CTNNA2: variants seen among roughly 807,000 people sequenced by gnomAD.
CTNNA2 encodes the protein catenin alpha-2.
In CTNNA2, 42 loss-of-function variants were observed where a neutral mutation model predicts 101.0. That is an observed-to-expected ratio of 0.42 (90% CI 0.32 to 0.54). The LOEUF is 0.54. Ranked by LOEUF, CTNNA2 falls within the 20% of genes least tolerant of loss-of-function variation. The pLI, the probability that CTNNA2 is intolerant of heterozygous loss-of-function variation, is 0.14. For missense variants in CTNNA2, 871 were observed against 1,223.1 expected (o/e 0.71, Z 4.29); for synonymous variants, 450 against 456.4 (o/e 0.99, Z 0.18).
intron 1 of CTNNA2, among the ~76,000 whole-genome samples, chr2:79,548,955 C>T (rs539947345): frequency 6.6e-6 from 1 of 152,266 alleles, no homozygotes; most frequent in African/African-American, 2.4e-5. Flanking sequence ...TGCTGCCAAC[C>T]CACATAGAAA....
chr2:79,466,579 C>T (rs1670938859), intron 4 of CTNNA2, among the ~76,000 whole-genome samples: 1 of 152,200 alleles, frequency 6.6e-6, no homozygotes, highest in Non-Finnish European at 1.5e-5. Flanking sequence ...CAGACTGCCT[C>T]CTCAAGTGGG....
chr2:79,842,749 C>G (rs1328190425), intron 3 of CTNNA2, among the ~76,000 whole-genome samples: 1 of 151,762 alleles, frequency 6.6e-6, no homozygotes, highest in Non-Finnish European at 1.5e-5. Context: ...TGTCATCCAC[C>G]TCACTGTGAG....
Position 79,840,754 on chromosome 2 carries a change from G to A in CTNNA2, c.299-17259G>A, listed in dbSNP as rs951734523. On this transcript the variant is annotated intron_variant, in intron 3 of 18. Transcript: ENST00000402739. ...CTGAGATCAGCCCAGGCAGGACAGC[G>A]AGACTACCTCTCTTTTTTTTTTTTT... is the stretch of plus-strand genomic sequence containing the variant. Among the ~76,000 whole-genome samples the A allele has an allele frequency of 2.4e-4, 30 of 124,618 alleles. No homozygotes were observed. In the Admixed American group the frequency reaches 2.5e-3, roughly 10 times the overall value. 81.8% of individuals were successfully genotyped at this position (124,618 alleles called of 152,430 possible). A position where few individuals can be genotyped will look rare whatever the true frequency, so the allele number is the denominator to read the frequency against.
intron 4 of CTNNA2, chr2:79,504,985 A>T (rs1293487567): frequency 6.6e-6 from 1 of 152,172 alleles, no homozygotes; most frequent in African/African-American, 2.4e-5. Context: ...AGACACTGGG[A>T]GAAGACAGGA....
chr2:79,916,022 A>G (rs1298831531), intron 7 of CTNNA2, among the ~76,000 whole-genome samples: 2 of 152,222 alleles, frequency 1.3e-5, no homozygotes, highest in Admixed American at 6.5e-5. Context: ...TTACTTAAGA[A>G]TAAGGCTCAT....
chr2:79,830,157 T>C (rs906022318), intron 3 of CTNNA2, among the ~76,000 whole-genome samples: 1 of 151,282 alleles, frequency 6.6e-6, no homozygotes, highest in Non-Finnish European at 1.5e-5. Flanking sequence ...ATGTCTCAAG[T>C]TATCCTACAA....
intron 7 of CTNNA2, among the ~76,000 whole-genome samples, chr2:80,116,816 A>G (rs1187385679): frequency 6.6e-6 from 1 of 152,030 alleles, no homozygotes; most frequent in East Asian, 1.9e-4. Context: ...TATTGAGTTC[A>G]GAAGAGACAA....
intron 7 of CTNNA2, among the ~76,000 whole-genome samples, chr2:79,940,483 ACTT>A (rs1226520980): frequency 6.6e-6 from 1 of 152,144 alleles, no homozygotes; most frequent in Non-Finnish European, 1.5e-5. Context: ...CCCCATCCTC[ACTT>A]CTTCTATCCC....
At chr2:79,415,784 T>C (rs1487105953) in intron 4 of CTNNA2, among the ~76,000 whole-genome samples, 1 of 152,108 alleles carries the variant, frequency 6.6e-6, no homozygotes, top group Non-Finnish European at 1.5e-5. Flanking sequence ...AATATGATCC[T>C]CACCGTCAAC....
chr2:79,352,925 C>T (rs1195182117), intron 3 of CTNNA2, among the ~76,000 whole-genome samples: 1 of 152,076 alleles, frequency 6.6e-6, no homozygotes, highest in Non-Finnish European at 1.5e-5. Context: ...GGAAGCAGTC[C>T]TATATTCAAA....
At chr2:80,298,543 C>T (rs1675962476) in intron 7 of CTNNA2, 1 of 152,130 alleles carries the variant, frequency 6.6e-6, no homozygotes, top group Non-Finnish European at 1.5e-5. Context: ...ACAAGTGGCC[C>T]CTAATCCTAC....
intron 13 of CTNNA2, chr2:80,576,372 C>CCTTT (rs746150023): frequency 2.6e-4 from 3 of 11,648 alleles, no homozygotes; most frequent in African/African-American, 3.7e-4. Flanking sequence ...TCCATGAAAC[C>CCTTT]ATTTTTTTTT....
chr2:79,564,386 T>C (rs2104157036), intron 1 of CTNNA2, among the ~76,000 whole-genome samples: 1 of 152,184 alleles, frequency 6.6e-6, no homozygotes, highest in Non-Finnish European at 1.5e-5. Context: ...AACTGCGTAT[T>C]AGTGGAACGC....
intron 9 of CTNNA2, among the ~76,000 whole-genome samples, chr2:80,503,164 C>A (rs1462136578): frequency 6.6e-6 from 1 of 151,796 alleles, no homozygotes; most frequent in Non-Finnish European, 1.5e-5. Context: ...CAAAGCAAGA[C>A]CTGTCTCAAA....
chr2:80,370,088 A>T (rs1265974337), intron 7 of CTNNA2, among the ~76,000 whole-genome samples: 3 of 152,208 alleles, frequency 2.0e-5, no homozygotes, highest in Admixed American at 6.5e-5. Flanking sequence ...TCCAAGTAGC[A>T]AGTATCATGA....
chr2:79,763,311 CT>C (rs1300440521), intron 3 of CTNNA2, among the ~76,000 whole-genome samples: 1 of 152,130 alleles, frequency 6.6e-6, no homozygotes, highest in East Asian at 1.9e-4. Context: ...TTATATTCAT[CT>C]TGCACAGACC....
intron 1 of CTNNA2, chr2:79,514,613 T>G (rs1202576634): frequency 6.6e-6 from 1 of 152,236 alleles, no homozygotes; most frequent in Non-Finnish European, 1.5e-5. Context: ...ATTGCTGCTG[T>G]AAAGTTTATT....
chr2:79,894,694 T>C (rs1684575562), intron 6 of CTNNA2, among the ~76,000 whole-genome samples: 2 of 152,192 alleles, frequency 1.3e-5, no homozygotes, highest in African/African-American at 4.8e-5. Context: ...TTTTGAAACC[T>C]TTCCTAACTA....
intron 3 of CTNNA2, among the ~76,000 whole-genome samples, chr2:79,855,437 A>G (rs56251791): frequency 0.26 from 39,719 of 152,126 alleles, 5,499 homozygotes; most frequent in Non-Finnish European, 0.31. Context: ...GGTGCCGCTA[A>G]GACAGATGGA....
Sources: gnomAD v4.1 joint callset for allele counts (sites outside exome capture counted in the v4.1 genomes callset) on GRCh38, gnomAD v4.1.1 for gene constraint, MANE v1.5 for transcripts, NCBI Gene and HGNC (gene_info 2026-07-23, HGNC 2026-07-21) for gene names.